PRR16: variants seen among roughly 807,000 people sequenced by gnomAD.
PRR16 encodes the protein proline rich 16, also known as protein Largen.
A neutral mutation model predicts 18.2 loss-of-function variants in PRR16; 6 were observed. The ratio of observed to expected loss-of-function variants is 0.33; its 90% CI spans 0.18 to 0.65. PRR16 has a LOEUF of 0.65. Among genes scored for constraint, PRR16 ranks in the 30% least tolerant of loss-of-function variants. The pLI is 0.74. For missense variants in PRR16, 412 were observed against 376.6 expected (o/e 1.09, Z -0.78); for synonymous variants, 151 against 147.8 (o/e 1.02, Z -0.16).
At chr5:120,763,919 C>A in the PRR16 span, among the ~76,000 whole-genome samples, 1 of 152,100 alleles carries the variant, frequency 6.6e-6, no homozygotes. Context: ...TATCCTGAGA[C>A]TTTACTGAAT....
At chr5:120,525,800 G>A (rs6876667) in intron 1 of PRR16, among the ~76,000 whole-genome samples, 17,261 of 151,896 alleles carry the variant, frequency 0.11, 1,068 homozygotes, top group Non-Finnish European at 0.12. Flanking sequence ...AGGAGGACCC[G>A]GGATAGTTCA....
chr5:120,646,772 A>G (rs909693239), intron 1 of PRR16, among the ~76,000 whole-genome samples: 20 of 152,204 alleles, frequency 1.3e-4, no homozygotes, highest in African/African-American at 4.8e-4. Flanking sequence ...AAAATGCAAT[A>G]AATACATATC....
chr5:120,737,816 T>C, the PRR16 span, among the ~76,000 whole-genome samples: 1 of 152,114 alleles, frequency 6.6e-6, no homozygotes, highest in Non-Finnish European at 1.5e-5. Flanking sequence ...TCTGTTCAGG[T>C]TTCTTAATTT....
At chr5:120,608,034 G>C (rs1754212895) in intron 1 of PRR16, among the ~76,000 whole-genome samples, 1 of 152,132 alleles carries the variant, frequency 6.6e-6, no homozygotes, top group African/African-American at 2.4e-5. Flanking sequence ...CAGGCATGCA[G>C]GCAATGGAAA....
the PRR16 span, among the ~76,000 whole-genome samples, chr5:120,741,743 G>A: frequency 1.2e-4 from 18 of 152,140 alleles, no homozygotes; most frequent in African/African-American, 3.9e-4. Flanking sequence ...TGGGATTACA[G>A]GCACGCACCA....
At chr5:120,559,019 C>T (rs1037206206) in intron 1 of PRR16, among the ~76,000 whole-genome samples, 1 of 151,746 alleles carries the variant, frequency 6.6e-6, no homozygotes, top group African/African-American at 2.4e-5. Context: ...GTTGTTTGAG[C>T]TCGTTTTATG....
intron 1 of PRR16, among the ~76,000 whole-genome samples, chr5:120,631,000 C>G (rs565681212): frequency 7.2e-5 from 11 of 152,144 alleles, no homozygotes; most frequent in Non-Finnish European, 1.3e-4. Flanking sequence ...TATTGAGGAC[C>G]AATATCACCC....
intron 1 of PRR16, among the ~76,000 whole-genome samples, chr5:120,603,993 A>G (rs1363711128): frequency 6.6e-6 from 1 of 151,980 alleles, no homozygotes; most frequent in Non-Finnish European, 1.5e-5. Context: ...ATCTTAGAGT[A>G]TATGTCATCT....
At chr5:120,640,575 T>C (rs2112855913) in intron 1 of PRR16, among the ~76,000 whole-genome samples, 1 of 152,244 alleles carries the variant, frequency 6.6e-6, no homozygotes, top group East Asian at 1.9e-4. Flanking sequence ...TATACACAGA[T>C]GGGGAATTGG....
chr5:120,557,598 T>A (rs1024542780), intron 1 of PRR16, among the ~76,000 whole-genome samples: 1 of 151,926 alleles, frequency 6.6e-6, no homozygotes, highest in African/African-American at 2.4e-5. Flanking sequence ...TTTGTGACTC[T>A]GGGCAACTCT....
chr5:120,518,011 T>TAG (rs1751052949), intron 1 of PRR16, among the ~76,000 whole-genome samples: 1 of 152,226 alleles, frequency 6.6e-6, no homozygotes, highest in Admixed American at 6.5e-5. Flanking sequence ...TAATGATGGA[T>TAG]AGATAGCTCT....
intron 1 of PRR16, among the ~76,000 whole-genome samples, chr5:120,622,831 T>A (rs533367643): frequency 6.6e-6 from 1 of 152,070 alleles, no homozygotes; most frequent in African/African-American, 2.4e-5. Context: ...ATCCTGTACT[T>A]TTTACATTAT....
the PRR16 span, among the ~76,000 whole-genome samples, chr5:120,698,994 C>A: frequency 2.0e-5 from 3 of 152,062 alleles, no homozygotes; most frequent in Non-Finnish European, 4.4e-5. Context: ...ACTGTGGTGG[C>A]CTTCTCAGAC....
At chr5:120,677,004 A>G (rs1057299778) in intron 1 of PRR16, among the ~76,000 whole-genome samples, 2 of 152,190 alleles carry the variant, frequency 1.3e-5, no homozygotes, top group Non-Finnish European at 2.9e-5. Flanking sequence ...CATTTATTAC[A>G]TTGTTTCTAG....
intron 1 of PRR16, among the ~76,000 whole-genome samples, chr5:120,557,365 C>G (rs1200086257): frequency 6.6e-6 from 1 of 151,866 alleles, no homozygotes; most frequent in Non-Finnish European, 1.5e-5. Flanking sequence ...TAAATGTATA[C>G]TTGCATATAT....
the PRR16 span, among the ~76,000 whole-genome samples, chr5:120,763,158 T>C: frequency 6.6e-6 from 1 of 152,116 alleles, no homozygotes; most frequent in Admixed American, 6.6e-5. Flanking sequence ...TAGCAATTTT[T>C]TTTTTTGAGG....
chr5:120,684,288 G>A (rs1757054877), intron 1 of PRR16, among the ~76,000 whole-genome samples: 1 of 152,238 alleles, frequency 6.6e-6, no homozygotes, highest in South Asian at 2.1e-4. Context: ...TCCAAAGACT[G>A]AGCCCTGGTG....
intron 1 of PRR16, among the ~76,000 whole-genome samples, chr5:120,599,506 C>A (rs1274233380): frequency 6.6e-6 from 1 of 151,880 alleles, no homozygotes; most frequent in African/African-American, 2.4e-5. Flanking sequence ...ATTGACCTCT[C>A]CTCTGAGACA....
At chr5:120,714,818 A>G in the PRR16 span, among the ~76,000 whole-genome samples, 2 of 152,192 alleles carry the variant, frequency 1.3e-5, no homozygotes, top group Non-Finnish European at 2.9e-5. Context: ...ATAAAAAGGA[A>G]TAAGATCATG....
Sources: allele counts gnomAD v4.1 joint callset (sites outside exome capture counted in the v4.1 genomes callset), GRCh38; gene constraint gnomAD v4.1.1; transcripts MANE v1.5; gene names NCBI Gene and HGNC (gene_info 2026-07-23, HGNC 2026-07-21).